Variants in PNPLA8 observed in about 807,000 individuals in gnomAD.
The protein encoded by PNPLA8 is patatin like domain 8, phospholipase A2.
Under a neutral mutation model 76.9 loss-of-function variants are expected in PNPLA8, and 39 were observed. That is an observed-to-expected ratio of 0.51 (90% CI 0.39 to 0.66). The LOEUF is 0.66. Ranked by LOEUF, PNPLA8 falls within the 30% of genes least tolerant of loss-of-function variation. The probability of loss-of-function intolerance (pLI) is 0.00; values close to 1 mark genes in which losing one functional copy is unlikely to be tolerated. For synonymous variants in PNPLA8, 301 were observed against 307.9 expected, an observed-to-expected ratio of 0.98 and a Z score of 0.24; for missense variants, 887 against 918.0, an observed-to-expected ratio of 0.97 and a Z score of 0.44.
At position 108,514,305 on chromosome 7, in the gene PNPLA8, T is replaced by A. The variant is rs767804915; in HGVS notation, c.1057-12A>T. On this transcript the variant is annotated splice_polypyrimidine_tract_variant and intron_variant, in intron 3 of 10. Transcript: ENST00000257694. ...ACCCTTGCGATAATCTACAAAGACA[T>A]ATTAAATAGATATGATTAGAATACA... 6.3e-7 allele frequency: 1 copy of A among 1,598,396 alleles called. No homozygotes were observed. The highest frequency in any genetic ancestry group is 2.2e-5 in the East Asian group (1 of 44,798).
intron 9 of PNPLA8, 120 bp downstream of exon 9, chr7:108,487,639 T>C: frequency 2.0e-6 from 1 of 506,638 alleles, no homozygotes; most frequent in South Asian, 4.8e-5. Context: ...TTTTGAGATA[T>C]GAAGACACAA....
At chr7:108,485,254 C>T (rs1860664622) in intron 9 of PNPLA8, among the ~76,000 whole-genome samples, 1 of 152,060 alleles carries the variant, frequency 6.6e-6, no homozygotes, top group Admixed American at 6.5e-5. Context: ...ACATATTATG[C>T]TACTACTTGG....
At chr7:108,511,005 T>C in intron 4 of PNPLA8, 1 of 1,323,364 alleles carries the variant, frequency 7.6e-7, no homozygotes, top group Non-Finnish European at 1.1e-6. Context: ...TTCTCTAAGC[T>C]GGTTGGTTAA....
At chr7:108,474,667 G>A (rs1056714075) in intron 10 of PNPLA8, among the ~76,000 whole-genome samples, 4 of 152,092 alleles carry the variant, frequency 2.6e-5, no homozygotes, top group African/African-American at 4.8e-5. Context: ...TAATAGTCCC[G>A]GACCATTTGT....
chr7:108,517,112 C>G (rs893186263), intron 2 of PNPLA8, among the ~76,000 whole-genome samples: 2 of 152,278 alleles, frequency 1.3e-5, no homozygotes, highest in East Asian at 3.9e-4. Flanking sequence ...TAACAGACAC[C>G]TCATCAAAGG....
rs1234238341 is a variant in PNPLA8, at chr7:108,471,440, CCTGACGT to C, written c.*954_*960del. ...GTGTTGGCCAGGCTGGTCTTGGACT[CCTGACGT>C]CAGGTGATCTGCCTGCCTCGGCCTC... On this transcript the variant is annotated 3_prime_UTR_variant, in exon 11 of 11. Transcript: ENST00000257694. 1 of 152,050 alleles carries C rather than the reference CCTGACGT, an allele frequency of 6.6e-6. No homozygotes were observed. Among genetic ancestry groups the C allele is most frequent in the Non-Finnish European group, 1.5e-5 (1 of 68,118 alleles). 9.4% of individuals were successfully genotyped at this position (152,050 alleles called of 1,614,324 possible).
At chr7:108,486,959 T>C (rs141880399) in intron 9 of PNPLA8, among the ~76,000 whole-genome samples, 329 of 152,198 alleles carry the variant, frequency 2.2e-3, no homozygotes, top group African/African-American at 7.1e-3. Context: ...TGAGACATAA[T>C]ATAAAAAATT....
intron 7 of PNPLA8, among the ~76,000 whole-genome samples, chr7:108,494,267 T>C (rs565374796): frequency 6.6e-6 from 1 of 152,246 alleles, no homozygotes; most frequent in East Asian, 1.9e-4. Context: ...GTTACATGGG[T>C]AAACTGTGTG....
In PNPLA8 at chr7:108,514,259, C is replaced by T. The variant is rs759468647; in HGVS notation, c.1091G>A (p.Arg364Gln). The change falls in exon 4 of 11, where the codon CGG becomes CAG. Residue 364 changes from arginine (R) to glutamine (Q), a missense_variant. Coordinates refer to ENST00000257694, the MANE Select transcript of PNPLA8 (RefSeq NM_001256007.3). ...TCTTCTTAATGCCTGAACTAATGCC[C>T]GGGTCCTGTTATCAATACTCACCCT... ...IARVSIDNRT[R>Q]ALVQALRRTT... 1.4e-5 allele frequency: 22 copies of T among 1,611,958 alleles called. No homozygotes were observed. Among genetic ancestry groups the T allele is most frequent in the African/African-American group, 2.7e-5 (2 of 74,830 alleles).
chr7:108,481,723 T>C (rs1459178936), intron 9 of PNPLA8, among the ~76,000 whole-genome samples: 2 of 152,210 alleles, frequency 1.3e-5, no homozygotes, highest in African/African-American at 2.4e-5. Flanking sequence ...TCATGTATGA[T>C]GATTTCAGTA....
At chr7:108,521,340 C>T (rs1417168568) in intron 2 of PNPLA8, 136 bp downstream of exon 2, 1 of 153,480 alleles carries the variant, frequency 6.5e-6, no homozygotes, top group African/African-American at 2.4e-5. Flanking sequence ...GCTGAAAATA[C>T]AGGACTGGGA....
chr7:108,506,277 C>T (rs1862415245), intron 4 of PNPLA8, among the ~76,000 whole-genome samples: 1 of 152,070 alleles, frequency 6.6e-6, no homozygotes, highest in African/African-American at 2.4e-5. Context: ...ACTCGGGAGG[C>T]TGAGGCAGGA....
intron 1 of PNPLA8, 83 bp downstream of exon 1, chr7:108,525,946 G>A (rs1563999779): frequency 3.3e-6 from 2 of 598,198 alleles, no homozygotes; most frequent in Non-Finnish European, 4.2e-6. Flanking sequence ...AGAAAGAAAG[G>A]ACGACCCGGA....
intron 10 of PNPLA8, among the ~76,000 whole-genome samples, chr7:108,474,762 ACT>A (rs1421035657): frequency 1.3e-5 from 2 of 152,006 alleles, no homozygotes; most frequent in African/African-American, 2.4e-5. Context: ...CAATTTCTGG[ACT>A]CTCTATTACA....
intron 5 of PNPLA8, among the ~76,000 whole-genome samples, chr7:108,501,174 G>T (rs192261112): frequency 1.3e-5 from 2 of 152,200 alleles, no homozygotes; most frequent in African/African-American, 4.8e-5. Context: ...CAATAGGCAG[G>T]GCATGTACTA....
chr7:108,505,329 TATATATATATATA>T (rs1862297536), intron 4 of PNPLA8, among the ~76,000 whole-genome samples: 2 of 9,560 alleles, frequency 2.1e-4, no homozygotes, highest in African/African-American at 1.1e-3. Flanking sequence ...TATATATATA[TATATATATATATA>T]TATATATATA....
At chr7:108,510,978 G>T in intron 4 of PNPLA8, 1 of 1,497,382 alleles carries the variant, frequency 6.7e-7, no homozygotes, top group Non-Finnish European at 9.1e-7. Flanking sequence ...ATGAACTAAG[G>T]TGTCTACCAT....
chr7:108,518,605 G>T (rs761475719), intron 2 of PNPLA8, among the ~76,000 whole-genome samples: 1 of 151,100 alleles, frequency 6.6e-6, no homozygotes, highest in Non-Finnish European at 1.5e-5. Context: ...CAGGGTAGGG[G>T]GTATATGGAA....
chr7:108,477,269 T>G (rs1178342286), intron 10 of PNPLA8, among the ~76,000 whole-genome samples: 1 of 152,186 alleles, frequency 6.6e-6, no homozygotes, highest in Non-Finnish European at 1.5e-5. Context: ...TATACAATTT[T>G]TATGTCAGTC....
Sources: gnomAD v4.1 joint callset for allele counts (sites outside exome capture counted in the v4.1 genomes callset) on GRCh38, gnomAD v4.1.1 for gene constraint, MANE v1.5 for transcripts, NCBI Gene and HGNC (gene_info 2026-07-23, HGNC 2026-07-21) for gene names.